Variants in DLGAP1 observed in about 807,000 individuals in gnomAD.
The protein encoded by DLGAP1 is DLG associated protein 1.
A neutral mutation model predicts 90.8 loss-of-function variants in DLGAP1; 11 were observed. That is an observed-to-expected ratio of 0.12 (90% confidence interval 0.08 to 0.20). The LOEUF is 0.20. Among genes scored for constraint, DLGAP1 ranks in the 10% least tolerant of loss-of-function variants. DLGAP1 has a pLI of 1.00. For missense variants in DLGAP1, 1,050 were observed against 1,333.8 expected, an observed-to-expected ratio of 0.79 and a Z score of 3.31; for synonymous variants, 558 against 540.7, an observed-to-expected ratio of 1.03 and a Z score of -0.44.
chr18:4,140,214 A>C (rs2076473744), intron 2 of DLGAP1, among the ~76,000 whole-genome samples: 1 of 151,852 alleles, frequency 6.6e-6, no homozygotes, highest in African/African-American at 2.4e-5. Flanking sequence ...CTTTCAGTGA[A>C]GGTGAATTTC....
At chr18:3,523,691 CA>C (rs533767057) in intron 10 of DLGAP1, among the ~76,000 whole-genome samples, 15 of 151,952 alleles carry the variant, frequency 9.9e-5, no homozygotes, top group Admixed American at 3.9e-4. Context: ...ACTAAAAATA[CA>C]AAAAATTAGC....
At chr18:3,675,238 G>C (rs1167781234) in intron 7 of DLGAP1, among the ~76,000 whole-genome samples, 1 of 152,106 alleles carries the variant, frequency 6.6e-6, no homozygotes, top group Non-Finnish European at 1.5e-5. Context: ...GCCTGGCTAA[G>C]TTTTGTGTTT....
chr18:4,061,285 T>G (rs2075294319), intron 2 of DLGAP1, among the ~76,000 whole-genome samples: 1 of 152,202 alleles, frequency 6.6e-6, no homozygotes, highest in Non-Finnish European at 1.5e-5. Flanking sequence ...AATGTGAATT[T>G]TTTTGCCTAG....
At chr18:3,707,023 C>T (rs147996975) in intron 7 of DLGAP1, among the ~76,000 whole-genome samples, 69 of 152,096 alleles carry the variant, frequency 4.5e-4, no homozygotes, top group African/African-American at 1.4e-3. Context: ...CAAAGTATTA[C>T]GCATGCAATT....
intron 9 of DLGAP1, among the ~76,000 whole-genome samples, chr18:3,545,682 C>G (rs1161346422): frequency 1.3e-5 from 2 of 152,104 alleles, no homozygotes; most frequent in African/African-American, 2.4e-5. Flanking sequence ...CATGGTGAAA[C>G]TCTGTCTCTA....
intron 5 of DLGAP1, among the ~76,000 whole-genome samples, chr18:3,766,373 T>C (rs1024428960): frequency 1.9e-4 from 29 of 152,126 alleles, no homozygotes; most frequent in Non-Finnish European, 3.5e-4. Flanking sequence ...AAATTCACGA[T>C]TGTAGTTGGA....
At chr18:4,430,841 A>C (rs2144749357) in intron 1 of DLGAP1, 1 of 152,572 alleles carries the variant, frequency 6.6e-6, no homozygotes, top group South Asian at 2.1e-4. Context: ...AGAAACAACC[A>C]AGAGTCATCT....
chr18:3,645,917 G>A (rs1166417346), intron 7 of DLGAP1, among the ~76,000 whole-genome samples: 1 of 152,132 alleles, frequency 6.6e-6, no homozygotes. Context: ...TGTCATGTTT[G>A]GAAACAGTCT....
At chr18:3,688,776 C>T (rs1354248620) in intron 7 of DLGAP1, among the ~76,000 whole-genome samples, 1 of 152,096 alleles carries the variant, frequency 6.6e-6, no homozygotes, top group Non-Finnish European at 1.5e-5. Flanking sequence ...CCTCCCTCCT[C>T]GTGGATTCTT....
At chr18:4,330,891 T>C (rs538728441) in intron 1 of DLGAP1, among the ~76,000 whole-genome samples, 1 of 151,990 alleles carries the variant, frequency 6.6e-6, no homozygotes, top group South Asian at 2.1e-4. Flanking sequence ...CTATACTCTT[T>C]CCAATTTTCT....
chr18:3,799,405 G>A (rs1489767317), intron 5 of DLGAP1, among the ~76,000 whole-genome samples: 1 of 152,000 alleles, frequency 6.6e-6, no homozygotes, highest in Non-Finnish European at 1.5e-5. Flanking sequence ...TTTCTTCATA[G>A]CGTTCCTCTC....
chr18:3,706,232 A>C (rs1048132535), intron 7 of DLGAP1, among the ~76,000 whole-genome samples: 13 of 151,706 alleles, frequency 8.6e-5, no homozygotes, highest in African/African-American at 3.1e-4. Flanking sequence ...TCCTAACCTC[A>C]AGTGATCCAC....
chr18:4,147,501 T>C (rs992219424), intron 2 of DLGAP1, among the ~76,000 whole-genome samples: 2 of 152,066 alleles, frequency 1.3e-5, no homozygotes, highest in Non-Finnish European at 2.9e-5. Flanking sequence ...CAAGCCAGAG[T>C]AGTTTTTTTG....
chr18:3,622,561 C>T (rs2146048199), intron 7 of DLGAP1, among the ~76,000 whole-genome samples: 1 of 152,256 alleles, frequency 6.6e-6, no homozygotes, highest in East Asian at 1.9e-4. Context: ...CTCCTTCACC[C>T]AGCCTGTGCC....
intron 1 of DLGAP1, among the ~76,000 whole-genome samples, chr18:4,156,704 G>C (rs1340921952): frequency 1.3e-5 from 2 of 152,112 alleles, no homozygotes; most frequent in Non-Finnish European, 2.9e-5. Context: ...GAACAGATAT[G>C]AATCTATAGA....
intron 3 of DLGAP1, among the ~76,000 whole-genome samples, chr18:3,957,678 C>G (rs1309774216): frequency 6.6e-6 from 1 of 152,062 alleles, no homozygotes; most frequent in Non-Finnish European, 1.5e-5. Context: ...TATTTACTTA[C>G]TAAATAATTT....
chr18:4,433,958 C>T (rs964823048), intron 1 of DLGAP1, among the ~76,000 whole-genome samples: 5 of 152,102 alleles, frequency 3.3e-5, no homozygotes, highest in African/African-American at 1.2e-4. Flanking sequence ...TCTGGTCACA[C>T]ACCCTACATT....
intron 5 of DLGAP1, among the ~76,000 whole-genome samples, chr18:3,792,819 GA>G (rs2065800086): frequency 6.6e-6 from 1 of 152,190 alleles, no homozygotes; most frequent in African/African-American, 2.4e-5. Context: ...GGTCCTGCCT[GA>G]CCCCTCAGCC....
intron 1 of DLGAP1, among the ~76,000 whole-genome samples, chr18:4,188,922 TG>T (rs1417218564): frequency 6.6e-6 from 1 of 152,202 alleles, no homozygotes; most frequent in Non-Finnish European, 1.5e-5. Context: ...TTTTACTCAC[TG>T]GATTTCTTTA....
Sources: allele counts gnomAD v4.1 joint callset (sites outside exome capture counted in the v4.1 genomes callset), GRCh38; gene constraint gnomAD v4.1.1; transcripts MANE v1.5; gene names NCBI Gene and HGNC (gene_info 2026-07-23, HGNC 2026-07-21).